The following PHF5A variants were observed in gnomAD, a reference collection of about 807,000 sequenced individuals.
PHF5A encodes the protein PHD finger-like domain-containing protein 5A.
For missense variants in PHF5A, 24 were observed against 140.6 expected (o/e 0.17, Z 4.19); for synonymous variants, 52 against 46.0 (o/e 1.13, Z -0.52).
chr22:41,465,558 C>A (rs2037859537), intron 3 of PHF5A, among the ~76,000 whole-genome samples: 1 of 152,194 alleles, frequency 6.6e-6, no homozygotes, highest in Non-Finnish European at 1.5e-5. Flanking sequence ...ACTGCCTTCA[C>A]CATGGGCACA....
intron 3 of PHF5A, among the ~76,000 whole-genome samples, chr22:41,464,814 C>T (rs1037795001): frequency 5.3e-5 from 8 of 152,210 alleles, no homozygotes; most frequent in Non-Finnish European, 1.0e-4. Flanking sequence ...GCTTTCACTG[C>T]TTATAGACCA....
At chr22:41,466,635 C>A (rs757113502) in intron 3 of PHF5A, among the ~76,000 whole-genome samples, 1 of 151,988 alleles carries the variant, frequency 6.6e-6, no homozygotes, top group Non-Finnish European at 1.5e-5. Flanking sequence ...GTGATCCATC[C>A]GCCTCAGTTT....
chr22:41,460,341 T>A lies in PHF5A; in HGVS notation c.*57A>T, dbSNP rs2037817294. ...CCCTTTCTGCTGGTAGTAGTAGGCA[T>A]GTTTTCTGGCAGCTGCAGCAGACTG... On this transcript the variant is annotated 3_prime_UTR_variant, in exon 4 of 4. Coordinates refer to ENST00000216252, the MANE Select transcript of PHF5A (RefSeq NM_032758.4). 2 of 1,404,494 alleles carry A rather than the reference T, an allele frequency of 1.4e-6. No homozygotes were observed. The highest frequency in any genetic ancestry group is 1.8e-5 in the Admixed American group (1 of 57,116). The allele number at this position is 1,404,494 out of a possible 1,614,324, so 87.0% of individuals were successfully genotyped here.
intron 1 of PHF5A, 46 bp from the exon 2 acceptor site, chr22:41,468,193 T>G: frequency 1.2e-6 from 2 of 1,607,370 alleles, no homozygotes; most frequent in Non-Finnish European, 1.7e-6. Flanking sequence ...ATAAAGGTTT[T>G]GAGAAAGAGG....
intron 3 of PHF5A, 34 bp downstream of exon 3, chr22:41,467,411 AAAG>A: frequency 1.2e-6 from 2 of 1,604,806 alleles, no homozygotes; most frequent in Non-Finnish European, 1.7e-6. Flanking sequence ...TTACTAAACA[AAAG>A]GAGGAAAGGT....
intron 3 of PHF5A, among the ~76,000 whole-genome samples, chr22:41,465,954 C>T (rs746596457): frequency 1.3e-5 from 2 of 152,146 alleles, no homozygotes; most frequent in Non-Finnish European, 2.9e-5. Context: ...TTTAGTTGAA[C>T]AGCCTGGGCT....
At chr22:41,461,159 G>C (rs181304834) in intron 3 of PHF5A, among the ~76,000 whole-genome samples, 122 of 152,132 alleles carry the variant, frequency 8.0e-4, no homozygotes, top group African/African-American at 2.9e-3. Flanking sequence ...GGTAACAAGA[G>C]AGAAACTCCA....
At chr22:41,461,891 G>T (rs576296292) in intron 3 of PHF5A, among the ~76,000 whole-genome samples, 1 of 152,222 alleles carries the variant, frequency 6.6e-6, no homozygotes, top group Admixed American at 6.5e-5. Context: ...TTGATCTCTT[G>T]ACCTCCTGAT....
intron 3 of PHF5A, among the ~76,000 whole-genome samples, chr22:41,463,733 A>AG (rs2037844558): frequency 6.7e-6 from 1 of 150,156 alleles, no homozygotes; most frequent in Non-Finnish European, 1.5e-5. Context: ...TCAAAAAAAA[A>AG]AAAAAAAAAA....
At chr22:41,464,509 C>T (rs1756118020) in intron 3 of PHF5A, among the ~76,000 whole-genome samples, 1 of 152,160 alleles carries the variant, frequency 6.6e-6, no homozygotes, top group African/African-American at 2.4e-5. Flanking sequence ...TCTCAAATGT[C>T]CTCAGAACAT....
chr22:41,463,935 G>A (rs1485778427), intron 3 of PHF5A, among the ~76,000 whole-genome samples: 1 of 151,972 alleles, frequency 6.6e-6, no homozygotes, highest in African/African-American at 2.4e-5. Context: ...CTAGTCCTGG[G>A]TCTGTCACTT....
At position 41,460,334 on chromosome 22, in the gene PHF5A, G is replaced by A. The variant is rs984064430; in HGVS notation, c.*64C>T. On this transcript the variant is annotated 3_prime_UTR_variant, in exon 4 of 4. Coordinates refer to ENST00000216252, the MANE Select transcript of PHF5A (RefSeq NM_032758.4). ...CTCTGCTCCCTTTCTGCTGGTAGTAGTAGGCATGTTTTCTGGCAGCTGCAG... is the reference window on the plus strand; with the variant it reads ...CTCTGCTCCCTTTCTGCTGGTAGTAATAGGCATGTTTTCTGGCAGCTGCAG... The A allele has an allele frequency of 1.5e-6, 2 of 1,341,660 alleles. No homozygotes were observed. The highest frequency in any genetic ancestry group is 2.9e-5 in the African/African-American group (2 of 69,486). 83.1% of individuals were successfully genotyped at this position (1,341,660 alleles called of 1,614,324 possible).
At chr22:41,466,354 G>C (rs557619334) in intron 3 of PHF5A, among the ~76,000 whole-genome samples, 11 of 151,888 alleles carry the variant, frequency 7.2e-5, no homozygotes, top group Admixed American at 6.5e-4. Flanking sequence ...CAGTGTCAAG[G>C]GACAAAAAAA....
At chr22:41,461,102 G>A (rs1012222867) in intron 3 of PHF5A, among the ~76,000 whole-genome samples, 12 of 152,126 alleles carry the variant, frequency 7.9e-5, no homozygotes, top group Non-Finnish European at 1.3e-4. Context: ...GAACCCAGGA[G>A]GCGGAGGTAG....
chr22:41,467,196 G>A (rs1221921625), intron 3 of PHF5A, among the ~76,000 whole-genome samples: 1 of 152,048 alleles, frequency 6.6e-6, no homozygotes, highest in African/African-American at 2.4e-5. Flanking sequence ...AATAACCACA[G>A]AGACATGAAT....
At chr22:41,468,062 C>CTG in intron 2 of PHF5A, 62 bp downstream of exon 2, 1 of 1,580,134 alleles carries the variant, frequency 6.3e-7, no homozygotes, top group Non-Finnish European at 8.7e-7. Flanking sequence ...GGCACTTTTG[C>CTG]TGGTTCCACA....
intron 3 of PHF5A, among the ~76,000 whole-genome samples, chr22:41,461,146 C>T (rs1213881471): frequency 6.6e-6 from 1 of 152,014 alleles, no homozygotes; most frequent in Non-Finnish European, 1.5e-5. Context: ...GCACTCCAGC[C>T]TGGGTAACAA....
chr22:41,467,014 G>GCAAAAAA (rs1444527023), intron 3 of PHF5A, among the ~76,000 whole-genome samples: 14 of 139,944 alleles, frequency 1.0e-4, no homozygotes, highest in Admixed American at 9.9e-4. Context: ...AAAACAAGAA[G>GCAAAAAA]CAAAAAACAA....
chr22:41,462,039 G>A (rs959697249), intron 3 of PHF5A, among the ~76,000 whole-genome samples: 4 of 152,106 alleles, frequency 2.6e-5, no homozygotes, highest in African/African-American at 7.2e-5. Context: ...CATGGTCTTG[G>A]GGGTACAGAG....
Sources: allele counts gnomAD v4.1 joint callset (sites outside exome capture counted in the v4.1 genomes callset), GRCh38; gene constraint gnomAD v4.1.1; transcripts MANE v1.5; gene names NCBI Gene and HGNC (gene_info 2026-07-23, HGNC 2026-07-21).